CPEB3: variants seen among roughly 807,000 people sequenced by gnomAD.
CPEB3 encodes cytoplasmic polyadenylation element binding protein 3.
A neutral mutation model predicts 67.2 loss-of-function variants in CPEB3; 20 were observed. The ratio of observed to expected loss-of-function variants is 0.30; its 90% CI spans 0.21 to 0.43. The LOEUF (loss-of-function observed/expected upper bound fraction) is 0.43, where lower values mean the gene tolerates loss of function less well. Ranked by LOEUF, CPEB3 falls within the 20% of genes least tolerant of loss-of-function variation. CPEB3 has a pLI of 1.00. For missense variants in CPEB3, 746 were observed against 968.6 expected (o/e 0.77, Z 3.05); for synonymous variants, 376 against 393.1 (o/e 0.96, Z 0.51).
chr10:92,137,639 T>C, intron 6 of CPEB3: 1 of 600,182 alleles, frequency 1.7e-6, no homozygotes. Context: ...CTGAGCACAC[T>C]GTGTGGCTTG....
At chr10:92,168,789 C>A (rs1432688529) in intron 4 of CPEB3, among the ~76,000 whole-genome samples, 1 of 144,662 alleles carries the variant, frequency 6.9e-6, no homozygotes, top group East Asian at 2.0e-4. Flanking sequence ...AAACCTCTTG[C>A]CCTTTTTTTT....
chr10:92,127,077 GA>G (rs1012736231), intron 6 of CPEB3, among the ~76,000 whole-genome samples: 1 of 151,922 alleles, frequency 6.6e-6, no homozygotes, highest in Non-Finnish European at 1.5e-5. Flanking sequence ...TTGCAGTCTG[GA>G]AAAAAAGTCA....
intron 9 of CPEB3, among the ~76,000 whole-genome samples, chr10:92,068,417 A>G (rs1436074954): frequency 6.6e-6 from 1 of 152,216 alleles, no homozygotes; most frequent in Non-Finnish European, 1.5e-5. Flanking sequence ...CACCCTGGCT[A>G]TAACACAACC....
chr10:92,196,565 G>C (rs780154515), intron 2 of CPEB3, among the ~76,000 whole-genome samples: 1 of 151,980 alleles, frequency 6.6e-6, no homozygotes, highest in African/African-American at 2.4e-5. Flanking sequence ...TCAGGAGATC[G>C]AGACCATCCT....
At chr10:92,179,573 G>C (rs1848375334) in intron 4 of CPEB3, among the ~76,000 whole-genome samples, 1 of 152,116 alleles carries the variant, frequency 6.6e-6, no homozygotes, top group African/African-American at 2.4e-5. Flanking sequence ...CCATCGACTA[G>C]AAAAAAAGTT....
At chr10:92,149,979 G>A (rs1846882490) in intron 4 of CPEB3, among the ~76,000 whole-genome samples, 1 of 152,112 alleles carries the variant, frequency 6.6e-6, no homozygotes, top group Non-Finnish European at 1.5e-5. Context: ...ATCAAGTTAA[G>A]GAAAGTATAT....
chr10:92,182,035 A>C (rs1274721170), intron 3 of CPEB3, among the ~76,000 whole-genome samples: 2 of 152,226 alleles, frequency 1.3e-5, no homozygotes, highest in Non-Finnish European at 2.9e-5. Flanking sequence ...TTCTTGACCA[A>C]ATTCCTTCAA....
intron 2 of CPEB3, among the ~76,000 whole-genome samples, chr10:92,229,858 A>T (rs777095291): frequency 6.6e-6 from 1 of 152,244 alleles, no homozygotes; most frequent in Non-Finnish European, 1.5e-5. Context: ...CAGCCTGACC[A>T]ACATGGAGAA....
chr10:92,211,024 T>C (rs1850056029), intron 2 of CPEB3, among the ~76,000 whole-genome samples: 1 of 152,200 alleles, frequency 6.6e-6, no homozygotes, highest in Non-Finnish European at 1.5e-5. Context: ...CACTCCAGCC[T>C]GGGCAACAGA....
At chr10:92,112,164 C>T (rs1481930421) in intron 6 of CPEB3, among the ~76,000 whole-genome samples, 3 of 131,704 alleles carry the variant, frequency 2.3e-5, no homozygotes, top group Non-Finnish European at 4.7e-5. Context: ...TGCAGTCTTG[C>T]TCTGTCACCC....
At chr10:92,206,636 A>C (rs1029990008) in intron 2 of CPEB3, among the ~76,000 whole-genome samples, 4 of 152,176 alleles carry the variant, frequency 2.6e-5, no homozygotes, top group Admixed American at 1.3e-4. Flanking sequence ...ATTTATGTTC[A>C]TATCTTATTT....
At chr10:92,256,545 C>T (rs1852523096) in intron 1 of CPEB3, among the ~76,000 whole-genome samples, 1 of 151,988 alleles carries the variant, frequency 6.6e-6, no homozygotes, top group African/African-American at 2.4e-5. Flanking sequence ...CGTGCCACCA[C>T]ACCCAGCTAA....
chr10:92,179,269 A>G (rs1369862922), intron 4 of CPEB3, among the ~76,000 whole-genome samples: 2 of 152,254 alleles, frequency 1.3e-5, no homozygotes, highest in Admixed American at 1.3e-4. Flanking sequence ...TTAAAAGCAG[A>G]GAATTAAAGA....
intron 8 of CPEB3, among the ~76,000 whole-genome samples, chr10:92,091,623 T>C (rs997258214): frequency 1.1e-4 from 17 of 152,224 alleles, no homozygotes; most frequent in Non-Finnish European, 1.6e-4. Flanking sequence ...CATAACTGTT[T>C]AATGAAATTC....
At chr10:92,257,712 G>A in intron 1 of CPEB3, among the ~76,000 whole-genome samples, 1 of 148,258 alleles carries the variant, frequency 6.7e-6, no homozygotes, top group East Asian at 2.0e-4. Context: ...TAATAATGTA[G>A]AAAAGGACCT....
At chr10:92,278,227 A>G (rs552212529) in intron 1 of CPEB3, among the ~76,000 whole-genome samples, 4 of 152,034 alleles carry the variant, frequency 2.6e-5, no homozygotes, top group Non-Finnish European at 5.9e-5. Flanking sequence ...GGGCCACCTT[A>G]ATTTCCATAC....
At chr10:92,209,136 T>C (rs1263708880) in intron 2 of CPEB3, among the ~76,000 whole-genome samples, 1 of 152,208 alleles carries the variant, frequency 6.6e-6, no homozygotes. Flanking sequence ...GGAAAAATTT[T>C]GTTAGCACTA....
chr10:92,087,495 A>G (rs898314168), intron 8 of CPEB3, among the ~76,000 whole-genome samples: 1 of 152,234 alleles, frequency 6.6e-6, no homozygotes, highest in African/African-American at 2.4e-5. Context: ...AACAGTTTAT[A>G]TGCTTCTAAT....
intron 2 of CPEB3, among the ~76,000 whole-genome samples, chr10:92,219,434 T>C (rs558860983): frequency 1.3e-5 from 2 of 152,326 alleles, no homozygotes; most frequent in Admixed American, 6.5e-5. Context: ...AACCCCCTTG[T>C]ATGCTTCAAC....
Sources: gnomAD v4.1 joint callset for allele counts (sites outside exome capture counted in the v4.1 genomes callset) on GRCh38, gnomAD v4.1.1 for gene constraint, MANE v1.5 for transcripts, NCBI Gene and HGNC (gene_info 2026-07-23, HGNC 2026-07-21) for gene names.